The following HIVEP3 variants were observed in gnomAD, a reference collection of about 807,000 sequenced individuals.
HIVEP3 encodes the protein HIVEP zinc finger 3, also known as transcription factor HIVEP3.
HIVEP3 carries 49 observed loss-of-function variants against 152.8 expected under a neutral mutation model. The observed-to-expected ratio is 0.32, with a 90% confidence interval of 0.26 to 0.41. The LOEUF is 0.41. Among genes scored for constraint, HIVEP3 ranks in the 10% least tolerant of loss-of-function variants. The pLI, the probability that HIVEP3 is intolerant of heterozygous loss-of-function variation, is 1.00. For synonymous variants in HIVEP3, 1,269 were observed against 1,289.0 expected (o/e 0.98, Z 0.33); for missense variants, 2,790 against 3,103.3 (o/e 0.90, Z 2.40).
Position 41,893,925 on chromosome 1 carries a change from T to A in HIVEP3, c.-801+24488A>T, listed in dbSNP as rs188826919. Among the ~76,000 whole-genome samples, 851 of 148,332 alleles carry A rather than the reference T, an allele frequency of 5.7e-3. 8 individuals carry two copies. The highest frequency in any genetic ancestry group is 0.02 in the African/African-American group (819 of 40,662). ...TATTTATTTTTTATATATATATATA[T>A]AAATTGTCTTTCTGAGACGAAGTCT... is the stretch of plus-strand genomic sequence containing the variant. On this transcript the variant is annotated intron_variant, in intron 1 of 8. Coordinates refer to ENST00000372583, the MANE Select transcript of HIVEP3 (RefSeq NM_024503.5).
intron 1 of HIVEP3, among the ~76,000 whole-genome samples, chr1:41,727,768 C>T (rs969321619): frequency 2.6e-5 from 4 of 152,204 alleles, no homozygotes; most frequent in African/African-American, 9.7e-5. Context: ...AGACACAGAG[C>T]CCCAAGCCCT....
intron 1 of HIVEP3, among the ~76,000 whole-genome samples, chr1:41,882,103 C>T (rs1411284449): frequency 6.6e-6 from 1 of 152,210 alleles, no homozygotes; most frequent in Non-Finnish European, 1.5e-5. Flanking sequence ...AACCATATCT[C>T]ACTCCCAAAC....
chr1:41,728,800 T>C (rs1646794941), intron 1 of HIVEP3, among the ~76,000 whole-genome samples: 1 of 152,218 alleles, frequency 6.6e-6, no homozygotes, highest in Non-Finnish European at 1.5e-5. Flanking sequence ...TGCTGTGGCC[T>C]GGGACTGGGC....
At chr1:41,546,265 G>A (rs995037712) in intron 5 of HIVEP3, among the ~76,000 whole-genome samples, 1 of 152,228 alleles carries the variant, frequency 6.6e-6, no homozygotes, top group African/African-American at 2.4e-5. Flanking sequence ...AGTGAGGACT[G>A]TAGTGGAGAA....
chr1:41,835,574 T>C (rs1643097301), intron 1 of HIVEP3, among the ~76,000 whole-genome samples: 1 of 152,366 alleles, frequency 6.6e-6, no homozygotes, highest in South Asian at 2.1e-4. Flanking sequence ...TAGATTCCTA[T>C]CAAATTAGAT....
At chr1:41,667,403 C>A (rs538433831) in intron 2 of HIVEP3, among the ~76,000 whole-genome samples, 1 of 152,382 alleles carries the variant, frequency 6.6e-6, no homozygotes, top group East Asian at 1.9e-4. Flanking sequence ...GAGACTGCCT[C>A]ATTCTGGCTT....
chr1:41,894,322 G>A (rs943349685), intron 1 of HIVEP3, among the ~76,000 whole-genome samples: 21 of 152,100 alleles, frequency 1.4e-4, no homozygotes, highest in African/African-American at 5.1e-4. Flanking sequence ...AGTAAGAGGA[G>A]GACACAGGAT....
At chr1:41,951,070 G>A (rs867188038) in intron 1 of HIVEP3, among the ~76,000 whole-genome samples, 1 of 152,146 alleles carries the variant, frequency 6.6e-6, no homozygotes, top group Admixed American at 6.5e-5. Context: ...AAATCCCCAC[G>A]TTTCTAACAC....
At chr1:41,967,735 C>T (rs904504757) in intron 1 of HIVEP3, among the ~76,000 whole-genome samples, 17 of 152,024 alleles carry the variant, frequency 1.1e-4, no homozygotes, top group Admixed American at 3.3e-4. Flanking sequence ...ACAAAAAAAA[C>T]CCTTCAAAAA....
chr1:42,026,947 G>T (rs1343957703), intron 1 of HIVEP3, among the ~76,000 whole-genome samples: 2 of 152,122 alleles, frequency 1.3e-5, no homozygotes, highest in African/African-American at 2.4e-5. Context: ...TTTCTATGCT[G>T]CTTCCCTTCA....
chr1:41,746,554 T>A (rs1312620388), intron 1 of HIVEP3, among the ~76,000 whole-genome samples: 1 of 152,202 alleles, frequency 6.6e-6, no homozygotes, highest in Non-Finnish European at 1.5e-5. Context: ...AAGCTATGCA[T>A]GGGGATGGCA....
At chr1:41,701,855 C>T (rs951153648) in intron 1 of HIVEP3, among the ~76,000 whole-genome samples, 1 of 152,138 alleles carries the variant, frequency 6.6e-6, no homozygotes, top group Admixed American at 6.5e-5. Context: ...CCTTGGGGAT[C>T]CATTCATTCA....
intron 2 of HIVEP3, among the ~76,000 whole-genome samples, chr1:41,632,764 A>G (rs917323159): frequency 2.0e-5 from 3 of 152,090 alleles, no homozygotes; most frequent in Non-Finnish European, 4.4e-5. Context: ...TCAAAGAAAA[A>G]AAAAAGAATA....
At chr1:41,891,013 G>A (rs1644438174) in intron 1 of HIVEP3, among the ~76,000 whole-genome samples, 1 of 152,198 alleles carries the variant, frequency 6.6e-6, no homozygotes, top group Non-Finnish European at 1.5e-5. Flanking sequence ...GCCAGCTGGA[G>A]AGGTGGCCAA....
chr1:41,995,441 A>C (rs1180719825), intron 1 of HIVEP3, among the ~76,000 whole-genome samples: 2 of 152,318 alleles, frequency 1.3e-5, no homozygotes, highest in East Asian at 1.9e-4. Context: ...GAGCAAATAA[A>C]GCCATTTTCA....
At chr1:41,776,715 C>T (rs1191698374) in intron 1 of HIVEP3, among the ~76,000 whole-genome samples, 1 of 152,236 alleles carries the variant, frequency 6.6e-6, no homozygotes, top group Non-Finnish European at 1.5e-5. Context: ...GTTTCCCTCT[C>T]CATTTCTGAC....
At chr1:41,809,131 G>A (rs759360376) in intron 1 of HIVEP3, among the ~76,000 whole-genome samples, 1 of 152,202 alleles carries the variant, frequency 6.6e-6, no homozygotes, top group Non-Finnish European at 1.5e-5. Context: ...GGGGTTCAGA[G>A]CACAGCTCCT....
Position 41,729,172 on chromosome 1 carries a change from A to G in HIVEP3, c.-800-28177T>C, listed in dbSNP as rs978654673. ...GTCCACCTCCCAAGGTGGCTGTGGG[A>G]ATAAAACGAGATCCTGGGGGAAGCA... is the stretch of plus-strand genomic sequence containing the variant. On this transcript the variant is annotated intron_variant, in intron 1 of 8. Coordinates refer to ENST00000372583, the MANE Select transcript of HIVEP3 (RefSeq NM_024503.5). Among the ~76,000 whole-genome samples the G allele has an allele frequency of 5.3e-5, 8 of 152,174 alleles. 1 individual carries two copies. The highest frequency in any genetic ancestry group is 8.8e-5 in the Non-Finnish European group (6 of 68,008).
At chr1:41,735,278 T>G (rs1477618755) in intron 1 of HIVEP3, among the ~76,000 whole-genome samples, 1 of 152,220 alleles carries the variant, frequency 6.6e-6, no homozygotes. Flanking sequence ...TAAGGGCACG[T>G]AGAACCATGT....
Sources: gnomAD v4.1 joint callset for allele counts (sites outside exome capture counted in the v4.1 genomes callset) on GRCh38, gnomAD v4.1.1 for gene constraint, MANE v1.5 for transcripts, NCBI Gene and HGNC (gene_info 2026-07-23, HGNC 2026-07-21) for gene names.